The following GPD1 variants were observed in gnomAD, a reference collection of about 807,000 sequenced individuals.
The protein encoded by GPD1 is glycerol-3-phosphate dehydrogenase 1, also known as glycerol-3-phosphate dehydrogenase [NAD(+)], cytoplasmic.
GPD1 carries 19 observed loss-of-function variants against 34.4 expected under a neutral mutation model. The observed-to-expected ratio is 0.55, with a 90% CI of 0.39 to 0.81. The LOEUF (loss-of-function observed/expected upper bound fraction) is 0.81. Among genes scored for constraint, GPD1 ranks in the 30% least tolerant of loss-of-function variants. The pLI, the probability that GPD1 is intolerant of heterozygous loss-of-function variation, is 0.00. For synonymous variants in GPD1, 172 were observed against 174.1 expected (o/e 0.99, Z 0.09); for missense variants, 429 against 447.0 (o/e 0.96, Z 0.36).
intron 7 of GPD1, 78 bp from the exon 8 acceptor site, chr12:50,109,345 G>T (rs998187951): frequency 2.5e-6 from 2 of 791,982 alleles, no homozygotes; most frequent in Non-Finnish European, 2.3e-6. Flanking sequence ...GGACAGGAGG[G>T]TTAGGCAGTG....
intron 4 of GPD1, 39 bp from the exon 5 acceptor site, chr12:50,106,766 G>GT (rs1370481729): frequency 1.8e-6 from 2 of 1,134,660 alleles, no homozygotes; most frequent in Non-Finnish European, 2.6e-6. Context: ...TTTTTAAAAA[G>GT]AGTCCTTCCC....
chr12:50,107,826 G>A, intron 6 of GPD1, 26 bp downstream of exon 6: 18 of 1,531,584 alleles, frequency 1.2e-5, no homozygotes, highest in Non-Finnish European at 1.6e-5. Context: ...AGGGAGAACA[G>A]AGGGGCGGCT....
intron 7 of GPD1, among the ~76,000 whole-genome samples, chr12:50,109,134 CAA>C (rs34926030): frequency 4.7e-5 from 3 of 64,346 alleles, no homozygotes; most frequent in Non-Finnish European, 5.7e-5. Context: ...GAGTCTGTCT[CAA>C]AAAAAAAAAA....
intron 6 of GPD1, 59 bp from the exon 7 acceptor site, chr12:50,107,965 A>AC (rs1950994573): frequency 5.2e-6 from 6 of 1,157,070 alleles, no homozygotes; most frequent in Non-Finnish European, 6.4e-6. Flanking sequence ...CAGTCTCTCC[A>AC]CCCCCTACTG....
At position 50,106,381 on chromosome 12, in the gene GPD1, A is replaced by G. The variant is rs1242282389; in HGVS notation, c.454A>G (p.Ile152Val). ...IPMSVLMGAN[I>V]ASEVADEKFC... ...CATGAGTGTGCTGATGGGGGCCAACATTGCCAGCGAGGTGGCTGATGAGAA... is the reference window on the plus strand; with the variant it reads ...CATGAGTGTGCTGATGGGGGCCAACGTTGCCAGCGAGGTGGCTGATGAGAA... The change falls in exon 4 of 8, where the codon ATT (isoleucine) becomes GTT (valine). Residue 152 changes from isoleucine (I) to valine (V), a missense_variant. By Grantham distance (29) the Ile-to-Val change is conservative. Coordinates refer to ENST00000301149, the MANE Select transcript of GPD1 (RefSeq NM_005276.4). The G allele has an allele frequency of 1.9e-6, 3 of 1,613,686 alleles. No individual in the cohort carries two copies. The highest frequency in any genetic ancestry group is 3.3e-4 in the Middle Eastern group (2 of 6,078).
Position 50,105,523 on chromosome 12 carries a change from C to T in GPD1, c.220-25C>T, listed in dbSNP as rs531712569. On this transcript the variant is annotated intron_variant, in intron 2 of 7. Transcript: ENST00000301149. ...GGGGCTAGGGGAGGTCTGCCAGGCC[C>T]GCGAGCACTTGGTCACCCCCACAGG... 4.7e-5 allele frequency: 76 copies of T among 1,602,876 alleles called. No homozygotes were observed. The Middle Eastern group carries it at 5.8e-4, about 12-fold the overall frequency.
chr12:50,104,066 GTC>G lies in GPD1; in HGVS notation c.18_19del (p.Cys7HisfsTer26). 1 of 1,614,152 alleles carries G rather than the reference GTC, an allele frequency of 6.2e-7. No individual in the cohort carries two copies. Among genetic ancestry groups the G allele is most frequent in the South Asian group, 1.1e-5 (1 of 91,090 alleles). Reference protein sequence around the residue: MASKKVCIVGSGNWGS... With the variant: MASKKXCIVGSGNWGS... ...ACGCGGCACCATGGCTAGCAAGAAAGTCTGCATTGTAGGCTCCGGGAACTGGT... is the reference window on the plus strand; with the variant it reads ...ACGCGGCACCATGGCTAGCAAGAAAGTGCATTGTAGGCTCCGGGAACTGGT... On this transcript the variant is annotated frameshift_variant, in exon 1 of 8. Coordinates refer to ENST00000301149, the MANE Select transcript of GPD1 (RefSeq NM_005276.4). LOFTEE classifies it high-confidence loss of function.
intron 1 of GPD1, 49 bp downstream of exon 1, chr12:50,104,140 CAG>C (rs755787299): frequency 1.3e-6 from 2 of 1,563,450 alleles, no homozygotes; most frequent in African/African-American, 1.3e-5. Flanking sequence ...CCCCCCAAGA[CAG>C]AGGTGGGTAG....
At position 50,104,620 on chromosome 12, in the gene GPD1, GCA is replaced by G; in HGVS notation, c.91_92del (p.Gln31ValfsTer2). ...KIVGGNAAQL[A>X]QFDPRVTMWV... ...CGTGGGTGGCAATGCAGCCCAGCTG[GCA>G]CAGTTTGACCCACGGGTGACCATGT... On this transcript the variant is annotated frameshift_variant, in exon 2 of 8. Transcript: ENST00000301149. LOFTEE classifies it high-confidence loss of function. 1 of 1,613,838 alleles carries G rather than the reference GCA, an allele frequency of 6.2e-7. No individual in the cohort carries two copies. Among genetic ancestry groups the G allele is most frequent in the Non-Finnish European group, 8.5e-7 (1 of 1,179,708 alleles).
chr12:50,107,225 C>T lies in GPD1; in HGVS notation c.612+308C>T, dbSNP rs769964790. The stretch of plus-strand genomic sequence containing the variant: ...AGGAGATGCCCAGGCTAATGGGAGA[C>T]AAAACATCCTTGACACCCAGACAGA... On this transcript the variant is annotated intron_variant, in intron 5 of 7. Transcript: ENST00000301149. 119 of 652,122 alleles carry T rather than the reference C, an allele frequency of 1.8e-4. 3 individuals carry two copies. The highest frequency in any genetic ancestry group is 1.2e-3 in the South Asian group (78 of 66,278). 40.4% of individuals were successfully genotyped at this position (652,122 alleles called of 1,614,324 possible). A position where few individuals can be genotyped will look rare whatever the true frequency, so the allele number is the denominator to read the frequency against.
At chr12:50,107,936 C>A in intron 6 of GPD1, 88 bp from the exon 7 acceptor site, 1 of 1,027,404 alleles carries the variant, frequency 9.7e-7, no homozygotes, top group Non-Finnish European at 1.5e-6. Flanking sequence ...CTCCCAAGAC[C>A]CCACTCCCAT....
At chr12:50,105,121 T>C (rs796957027) in intron 2 of GPD1, 55 of 286,684 alleles carry the variant, frequency 1.9e-4, no homozygotes, top group African/African-American at 1.1e-3. Flanking sequence ...TTTGGTCAAA[T>C]CCACGTGGCT....
rs1490134735 is a variant in GPD1, at chr12:50,104,757, C to T, written c.219+6C>T. 8 of 1,610,868 alleles carry T rather than the reference C, an allele frequency of 5.0e-6. No homozygotes were observed. The African/African-American group carries it at 1.1e-4, about 22-fold the overall frequency. ...ACAAGTTGCCCCCAAATGTGGTGAG[C>T]CCCAACACCCTGCGAAGAACAGGGA... On this transcript the variant is annotated splice_donor_region_variant and intron_variant, in intron 2 of 7. Transcript: ENST00000301149.
chr12:50,105,652 T>G lies in GPD1; in HGVS notation c.324T>G (p.His108Gln). ...IGKICDQLKG[H>Q]LKANATGISL... ...AGATCTGTGACCAGCTCAAGGGCCA[T>G]CTGAAGGCAAACGCCACTGGCATAT... Residue 108 changes from histidine to glutamine, a missense_variant, in exon 3 of 8, where the codon CAT becomes CAG. Physicochemically the swap from His to Gln is conservative, Grantham distance 24. Transcript: ENST00000301149. The G allele has an allele frequency of 6.2e-7, 1 of 1,614,160 alleles. No individual in the cohort carries two copies. The highest frequency in any genetic ancestry group is 8.5e-7 in the Non-Finnish European group (1 of 1,180,002).
At position 50,107,754 on chromosome 12, in the gene GPD1, G is replaced by A. The variant is rs866143632; in HGVS notation, c.800G>A (p.Gly267Glu). 1 of 1,614,156 alleles carries A rather than the reference G, an allele frequency of 6.2e-7. No homozygotes were observed. The highest frequency in any genetic ancestry group is 1.6e-4 in the Middle Eastern group (1 of 6,062). ...GCTGACCTGATCACTACCTGCTATGGAGGGCGGAACCGGAAAGTGGCTGAG... is the reference window on the plus strand; with the variant it reads ...GCTGACCTGATCACTACCTGCTATGAAGGGCGGAACCGGAAAGTGGCTGAG... ...GVADLITTCY[G>E]GRNRKVAEAF... The change falls in exon 6 of 8, where the codon GGA becomes GAA. Residue 267 changes from glycine to glutamate, a missense_variant. Coordinates refer to ENST00000301149, the MANE Select transcript of GPD1 (RefSeq NM_005276.4).
chr12:50,106,006 G>A, intron 3 of GPD1: 1 of 631,780 alleles, frequency 1.6e-6, no homozygotes, highest in Non-Finnish European at 2.9e-6. Context: ...AGCAGTGACT[G>A]GTCACTGAAT....
chr12:50,107,242 C>T lies in GPD1; in HGVS notation c.612+325C>T, dbSNP rs556688645. The T allele has an allele frequency of 1.7e-4, 110 of 649,448 alleles. 1 individual carries two copies. The highest frequency in any genetic ancestry group is 1.7e-3 in the South Asian group (110 of 66,262). The allele number at this position is 649,448 out of a possible 1,614,324, so 40.2% of individuals were successfully genotyped here. A position where few individuals can be genotyped will look rare whatever the true frequency, so the allele number is the denominator to read the frequency against. ...ATGGGAGACAAAACATCCTTGACAC[C>T]CAGACAGACTAATGGCCAGAACTAT... On this transcript the variant is annotated intron_variant, in intron 5 of 7. Transcript: ENST00000301149.
rs1425051834 is a variant in GPD1, at chr12:50,107,823, A to C, written c.846+23A>C. 8.4e-6 allele frequency: 13 copies of C among 1,547,090 alleles called. No homozygotes were observed. In the Admixed American group the frequency reaches 1.7e-4, roughly 20 times the overall value. Reference sequence around the variant, plus strand: ...AAGGTGGGCCCCGGGAGAAGGGAGAACAGAGGGGCGGCTCTGTAGGCATCC... The same window carrying C: ...AAGGTGGGCCCCGGGAGAAGGGAGACCAGAGGGGCGGCTCTGTAGGCATCC... On this transcript the variant is annotated intron_variant, in intron 6 of 7. Coordinates refer to ENST00000301149, the MANE Select transcript of GPD1 (RefSeq NM_005276.4).
chr12:50,110,779 C>T lies in GPD1; in HGVS notation c.*1260C>T, dbSNP rs941924512. 6.5e-6 allele frequency: 1 copy of T among 152,860 alleles called. No homozygotes were observed. The highest frequency in any genetic ancestry group is 2.1e-4 in the South Asian group (1 of 4,840). The allele number at this position is 152,860 out of a possible 1,614,324, so 9.5% of individuals were successfully genotyped here. A position where few individuals can be genotyped will look rare whatever the true frequency, so the allele number is the denominator to read the frequency against. ...GGAAGAAAATCAAAACCACCCTACT[C>T]CCTGGGGTGAGGAAAGAACAGGAGG... On this transcript the variant is annotated 3_prime_UTR_variant, in exon 8 of 8. Coordinates refer to ENST00000301149, the MANE Select transcript of GPD1 (RefSeq NM_005276.4).
Sources: gnomAD v4.1 joint callset for allele counts (sites outside exome capture counted in the v4.1 genomes callset) on GRCh38, gnomAD v4.1.1 for gene constraint, MANE v1.5 for transcripts, NCBI Gene and HGNC (gene_info 2026-07-23, HGNC 2026-07-21) for gene names.